Variants in EHBP1 observed in about 807,000 individuals in gnomAD.
EHBP1 encodes the protein EH domain-binding protein 1.
A neutral mutation model predicts 144.0 loss-of-function variants in EHBP1; 55 were observed. The observed-to-expected ratio is 0.38, with a 90% CI of 0.31 to 0.48. The LOEUF is 0.48. Ranked by LOEUF, EHBP1 falls within the 20% of genes least tolerant of loss-of-function variation. The pLI is 0.98. For synonymous variants in EHBP1, 469 were observed against 472.7 expected (o/e 0.99, Z 0.10); for missense variants, 1,200 against 1,364.2 (o/e 0.88, Z 1.90).
At chr2:62,774,729 T>C (rs1161134288) in intron 5 of EHBP1, among the ~76,000 whole-genome samples, 2 of 152,090 alleles carry the variant, frequency 1.3e-5, no homozygotes, top group South Asian at 4.1e-4. Flanking sequence ...CTTGTGGTCC[T>C]GACTGTTCAG....
chr2:62,704,033 A>T (rs1437274944), upstream of EHBP1, among the ~76,000 whole-genome samples: 1 of 151,958 alleles, frequency 6.6e-6, no homozygotes, highest in Non-Finnish European at 1.5e-5. Flanking sequence ...CCATTAAAAA[A>T]CTCCACACAC....
At chr2:62,834,596 A>G (rs957611965) in intron 7 of EHBP1, among the ~76,000 whole-genome samples, 7 of 152,214 alleles carry the variant, frequency 4.6e-5, no homozygotes, top group Non-Finnish European at 1.0e-4. Flanking sequence ...CGTAACTTTT[A>G]TATGCACTGG....
chr2:62,809,292 G>GAAAAAAAA (rs985494969), intron 5 of EHBP1, among the ~76,000 whole-genome samples: 1 of 46,570 alleles, frequency 2.1e-5, no homozygotes, highest in Non-Finnish European at 4.5e-5. Flanking sequence ...CTATGTCTCA[G>GAAAAAAAA]AAAAAAAAAA....
intron 19 of EHBP1, among the ~76,000 whole-genome samples, chr2:63,005,297 T>C (rs1355337600): frequency 6.6e-6 from 1 of 152,044 alleles, no homozygotes; most frequent in African/African-American, 2.4e-5. Flanking sequence ...AAGTCTGCAG[T>C]TGTGGAGAAA....
chr2:62,953,962 A>C (rs1478979582), intron 13 of EHBP1, among the ~76,000 whole-genome samples: 2 of 152,252 alleles, frequency 1.3e-5, no homozygotes, highest in Non-Finnish European at 2.9e-5. Flanking sequence ...TTCAAAGATT[A>C]GGAAATCAAG....
chr2:62,905,635 G>A (rs1404627496), intron 10 of EHBP1, among the ~76,000 whole-genome samples: 2 of 151,888 alleles, frequency 1.3e-5, no homozygotes, highest in Non-Finnish European at 1.5e-5. Flanking sequence ...GACCAGCCTG[G>A]GCAACATGGT....
At chr2:62,942,016 T>C (rs964652843) in intron 10 of EHBP1, among the ~76,000 whole-genome samples, 2 of 152,110 alleles carry the variant, frequency 1.3e-5, no homozygotes, top group Non-Finnish European at 2.9e-5. Context: ...AAGTATATAC[T>C]TACCATTTAA....
chr2:62,837,972 G>C (rs1285165695), intron 7 of EHBP1, among the ~76,000 whole-genome samples: 5 of 147,018 alleles, frequency 3.4e-5, no homozygotes, highest in African/African-American at 1.3e-4. Context: ...ATTGAACTCA[G>C]CTCTGCACCA....
intron 7 of EHBP1, chr2:62,858,578 G>T: frequency 9.8e-7 from 1 of 1,019,430 alleles, no homozygotes; most frequent in South Asian, 1.4e-5. Flanking sequence ...GCTACCTCTT[G>T]ACTTCTGTCT....
intron 2 of EHBP1, among the ~76,000 whole-genome samples, chr2:62,717,997 C>T (rs1250720233): frequency 6.6e-6 from 1 of 152,148 alleles, no homozygotes; most frequent in African/African-American, 2.4e-5. Flanking sequence ...AATAGTCCTC[C>T]TGGCTAAAGA....
chr2:63,004,699 G>A (rs2059969993), intron 19 of EHBP1, among the ~76,000 whole-genome samples: 1 of 151,954 alleles, frequency 6.6e-6, no homozygotes, highest in Admixed American at 6.6e-5. Context: ...TTAGCATACA[G>A]CTCCAATTAC....
chr2:62,719,557 C>T (rs1260338165), intron 2 of EHBP1, among the ~76,000 whole-genome samples: 1 of 152,172 alleles, frequency 6.6e-6, no homozygotes, highest in South Asian at 2.1e-4. Flanking sequence ...CTGTTGGAAA[C>T]CACACAAAGT....
chr2:62,720,017 A>G (rs1297061794), intron 2 of EHBP1, among the ~76,000 whole-genome samples: 3 of 152,218 alleles, frequency 2.0e-5, no homozygotes, highest in Admixed American at 6.5e-5. Context: ...CAGACATCAC[A>G]TGAAAATCTG....
At chr2:62,745,873 T>C (rs1180784804) in intron 2 of EHBP1, among the ~76,000 whole-genome samples, 1 of 152,124 alleles carries the variant, frequency 6.6e-6, no homozygotes, top group Admixed American at 6.6e-5. Flanking sequence ...TTCAGTCAAG[T>C]AAACCTGTAA....
At chr2:62,897,558 A>T (rs890638009) in intron 10 of EHBP1, among the ~76,000 whole-genome samples, 2 of 152,218 alleles carry the variant, frequency 1.3e-5, no homozygotes, top group Non-Finnish European at 2.9e-5. Flanking sequence ...TGACTTAAAA[A>T]ATACTGTCTC....
chr2:62,867,163 G>A (rs2050108636), intron 9 of EHBP1, among the ~76,000 whole-genome samples: 1 of 152,056 alleles, frequency 6.6e-6, no homozygotes, highest in African/African-American at 2.4e-5. Flanking sequence ...GTAGATAATT[G>A]TTTAAGGCTT....
chr2:62,903,656 C>T (rs779369180), intron 10 of EHBP1, among the ~76,000 whole-genome samples: 20 of 152,018 alleles, frequency 1.3e-4, no homozygotes, highest in Admixed American at 4.6e-4. Flanking sequence ...GTTCCAGCTT[C>T]TTGGGAGGCT....
At chr2:62,925,371 A>C (rs1217135158) in intron 10 of EHBP1, among the ~76,000 whole-genome samples, 1 of 152,156 alleles carries the variant, frequency 6.6e-6, no homozygotes, top group Non-Finnish European at 1.5e-5. Flanking sequence ...CAAGAAAAAA[A>C]AAAAGGCATC....
chr2:62,943,375 T>TAAAAA (rs2056881523), intron 11 of EHBP1, among the ~76,000 whole-genome samples: 2 of 24,280 alleles, frequency 8.2e-5, no homozygotes, highest in Non-Finnish European at 1.5e-4. Flanking sequence ...AAACTCCGTC[T>TAAAAA]CAAAAAAAAA....
Sources: allele counts gnomAD v4.1 joint callset (sites outside exome capture counted in the v4.1 genomes callset), GRCh38; gene constraint gnomAD v4.1.1; transcripts MANE v1.5; gene names NCBI Gene and HGNC (gene_info 2026-07-23, HGNC 2026-07-21).